RBMS2: variants seen among roughly 807,000 people sequenced by gnomAD.
RBMS2 encodes RNA-binding motif, single-stranded-interacting protein 2.
In RBMS2, 38 loss-of-function variants were observed where a neutral mutation model predicts 58.4. That is an observed-to-expected ratio of 0.65 (90% CI 0.50 to 0.85). The LOEUF (loss-of-function observed/expected upper bound fraction) is 0.85. RBMS2 is among the 40% of genes least tolerant of loss of function. The pLI, the probability that RBMS2 is intolerant of heterozygous loss-of-function variation, is 0.00. For synonymous variants in RBMS2, 151 were observed against 180.7 expected (o/e 0.84, Z 1.32); for missense variants, 367 against 503.7 (o/e 0.73, Z 2.60).
chr12:56,561,767 CTCCT>C (rs386763304), intron 1 of RBMS2, among the ~76,000 whole-genome samples: 26 of 92,514 alleles, frequency 2.8e-4, no homozygotes, highest in African/African-American at 9.0e-4. Flanking sequence ...CACCCCCCCC[CTCCT>C]TGGCCTCCCA....
chr12:56,553,020 C>T (rs1477201750), intron 1 of RBMS2, among the ~76,000 whole-genome samples: 1 of 146,750 alleles, frequency 6.8e-6, no homozygotes, highest in Non-Finnish European at 1.5e-5. Context: ...CCTCATCCTC[C>T]CAGGTTCAAG....
chr12:56,569,604 G>A (rs1000620556), intron 3 of RBMS2, among the ~76,000 whole-genome samples: 6 of 152,208 alleles, frequency 3.9e-5, no homozygotes, highest in South Asian at 4.1e-4. Flanking sequence ...AGAGGTGTAG[G>A]GGGGCTTTGG....
At chr12:56,541,981 T>A (rs933852681) in intron 1 of RBMS2, among the ~76,000 whole-genome samples, 9 of 152,138 alleles carry the variant, frequency 5.9e-5, no homozygotes, top group African/African-American at 1.9e-4. Flanking sequence ...ACATAAAAAA[T>A]TTTAAAAGAT....
intron 9 of RBMS2, among the ~76,000 whole-genome samples, chr12:56,585,115 G>A (rs1028253604): frequency 6.6e-6 from 1 of 152,108 alleles, no homozygotes; most frequent in Admixed American, 6.5e-5. Context: ...GAGCCACTGC[G>A]CCCGGCTAAA....
At position 56,595,788 on chromosome 12, in the gene RBMS2, C is replaced by T. The variant is rs1227117605; in HGVS notation, c.*6655C>T. 1 of 152,592 alleles carries T rather than the reference C, an allele frequency of 6.6e-6. No individual in the cohort carries two copies. Among genetic ancestry groups the T allele is most frequent in the Admixed American group, 6.6e-5 (1 of 15,266 alleles). 9.5% of individuals were successfully genotyped at this position (152,592 alleles called of 1,614,324 possible). On this transcript the variant is annotated 3_prime_UTR_variant, in exon 14 of 14. Transcript: ENST00000262031. Reference sequence around the variant, plus strand: ...ACATTTAGGCAGGAGCACTAATGACCCTTTCCATCCACACAGAGGGTATGG... The same window carrying T: ...ACATTTAGGCAGGAGCACTAATGACTCTTTCCATCCACACAGAGGGTATGG...
At chr12:56,581,062 C>G in intron 5 of RBMS2, 122 bp from the exon 6 acceptor site, 1 of 824,374 alleles carries the variant, frequency 1.2e-6, no homozygotes. Context: ...CTCTGTGTTT[C>G]TGTAGTCATA....
intron 1 of RBMS2, among the ~76,000 whole-genome samples, chr12:56,531,851 C>T (rs376378589): frequency 1.3e-5 from 2 of 149,532 alleles, no homozygotes; most frequent in African/African-American, 4.9e-5. Context: ...TATATTTTGT[C>T]GAATTATTTT....
chr12:56,564,093 G>T (rs898897312), intron 2 of RBMS2, among the ~76,000 whole-genome samples: 1 of 150,350 alleles, frequency 6.7e-6, no homozygotes, highest in African/African-American at 2.4e-5. Flanking sequence ...GATTATAGGC[G>T]CACGCCACCA....
chr12:56,521,250 G>A (rs1176212502), upstream of RBMS2, among the ~76,000 whole-genome samples: 1 of 151,912 alleles, frequency 6.6e-6, no homozygotes, highest in Non-Finnish European at 1.5e-5. Flanking sequence ...CCAAGATGGC[G>A]AAACCCCGTC....
At chr12:56,549,431 T>C (rs944196600) in intron 1 of RBMS2, among the ~76,000 whole-genome samples, 1 of 152,172 alleles carries the variant, frequency 6.6e-6, no homozygotes, top group Non-Finnish European at 1.5e-5. Flanking sequence ...GCCACCCTCC[T>C]TCTATCATTA....
rs1379099793 is a variant in RBMS2, at chr12:56,571,632, G to T, written c.385-66G>T. 10 of 1,389,502 alleles carry T rather than the reference G, an allele frequency of 7.2e-6. No individual in the cohort carries two copies. The East Asian group carries it at 1.3e-4, about 18-fold the overall frequency. The allele number at this position is 1,389,502 out of a possible 1,614,324, so 86.1% of individuals were successfully genotyped here. On this transcript the variant is annotated intron_variant, in intron 4 of 13. Coordinates refer to ENST00000262031, the MANE Select transcript of RBMS2 (RefSeq NM_002898.4). The stretch of plus-strand genomic sequence containing the variant: ...TCTCTTTTCTGAAATGTCATTTGTG[G>T]GGAGGGCTGAGGGTGGGAGAGGGAT...
At chr12:56,537,377 C>T (rs891251403) in intron 1 of RBMS2, among the ~76,000 whole-genome samples, 1 of 152,164 alleles carries the variant, frequency 6.6e-6, no homozygotes, top group Admixed American at 6.6e-5. Context: ...CTCTGGCAAC[C>T]ACTGTTCTAC....
chr12:56,533,408 C>CTTATTTTTTTT (rs1874155481), intron 1 of RBMS2, among the ~76,000 whole-genome samples: 1 of 65,310 alleles, frequency 1.5e-5, no homozygotes, highest in African/African-American at 6.7e-5. Flanking sequence ...AGCCCTATTA[C>CTTATTTTTTTT]TTTTTTTTTT....
intron 1 of RBMS2, 45 bp downstream of exon 1, chr12:56,522,134 G>A: frequency 6.8e-7 from 1 of 1,467,220 alleles, no homozygotes; most frequent in Non-Finnish European, 9.5e-7. Context: ...TCTTTTTCTG[G>A]GGATCTTGCA....
chr12:56,571,928 T>C, intron 5 of RBMS2, 73 bp downstream of exon 5: 1 of 1,303,944 alleles, frequency 7.7e-7, no homozygotes. Flanking sequence ...GAAAACAAAA[T>C]CTATGCCTTT....
intron 1 of RBMS2, among the ~76,000 whole-genome samples, chr12:56,525,189 G>A (rs1205814663): frequency 6.6e-6 from 1 of 151,984 alleles, no homozygotes; most frequent in Non-Finnish European, 1.5e-5. Context: ...TGTAATTTGT[G>A]TATTTTCCAT....
At chr12:56,527,714 A>G (rs1436132344) in intron 1 of RBMS2, among the ~76,000 whole-genome samples, 1 of 151,758 alleles carries the variant, frequency 6.6e-6, no homozygotes, top group Non-Finnish European at 1.5e-5. Context: ...AACACCTACT[A>G]TCTGTCTGGC....
At position 56,589,298 on chromosome 12, in the gene RBMS2, A is replaced by G; in HGVS notation, c.*165A>G. 2.2e-6 allele frequency: 3 copies of G among 1,382,994 alleles called. No homozygotes were observed. The highest frequency in any genetic ancestry group is 2.8e-6 in the Non-Finnish European group (3 of 1,054,000). 85.7% of individuals were successfully genotyped at this position (1,382,994 alleles called of 1,614,324 possible). On this transcript the variant is annotated 3_prime_UTR_variant, in exon 14 of 14. Transcript: ENST00000262031. ...CACAGGCCTGGGCCTGGAAAAAGAA[A>G]TCTCTACGTTCCTGCCCTTTACTAT... is the stretch of plus-strand genomic sequence containing the variant.
intron 1 of RBMS2, among the ~76,000 whole-genome samples, chr12:56,555,989 T>G (rs1879164204): frequency 6.6e-6 from 1 of 150,440 alleles, no homozygotes; most frequent in Non-Finnish European, 1.5e-5. Flanking sequence ...GAGATTACAG[T>G]GAGCATAATC....
Sources: allele counts gnomAD v4.1 joint callset (sites outside exome capture counted in the v4.1 genomes callset), GRCh38; gene constraint gnomAD v4.1.1; transcripts MANE v1.5; gene names NCBI Gene and HGNC (gene_info 2026-07-23, HGNC 2026-07-21).